Variants in SPON1 observed in about 807,000 individuals in gnomAD.
The protein encoded by SPON1 is spondin-1.
SPON1 carries 52 observed loss-of-function variants against 111.7 expected under a neutral mutation model. That is an observed-to-expected ratio of 0.47 (90% CI 0.37 to 0.59). The LOEUF (loss-of-function observed/expected upper bound fraction) is 0.59. SPON1 is among the 20% of genes least tolerant of loss of function. The probability of loss-of-function intolerance (pLI) is 0.00; values close to 1 mark genes in which losing one functional copy is unlikely to be tolerated. For missense variants in SPON1, 957 were observed against 1,068.5 expected (o/e 0.90, Z 1.46); for synonymous variants, 410 against 395.8 (o/e 1.04, Z -0.43).
At position 14,105,758 on chromosome 11, in the gene SPON1, G is replaced by A. The variant is rs540187653; in HGVS notation, c.676+25737G>A. 1.1e-4 allele frequency among the ~76,000 whole-genome samples: 16 copies of A among 152,130 alleles called. No homozygotes were observed. In the South Asian group the frequency reaches 3.1e-3, roughly 30 times the overall value. ...GACTGTTTTATTCACATTTAAATAG[G>A]CCTTGAAATTGGAAGGTTCACAGGC... is the stretch of plus-strand genomic sequence containing the variant. On this transcript the variant is annotated intron_variant, in intron 5 of 15. Coordinates refer to ENST00000576479, the MANE Select transcript of SPON1 (RefSeq NM_006108.4).
At chr11:14,057,940 C>T (rs1277583274) in intron 3 of SPON1, among the ~76,000 whole-genome samples, 4 of 151,892 alleles carry the variant, frequency 2.6e-5, no homozygotes, top group Non-Finnish European at 5.9e-5. Flanking sequence ...TCACTGGAGC[C>T]AGGAAGATAG....
chr11:14,212,874 T>C (rs1435727075), intron 6 of SPON1, among the ~76,000 whole-genome samples: 5 of 152,184 alleles, frequency 3.3e-5, no homozygotes, highest in Non-Finnish European at 7.3e-5. Context: ...GAGCATCATT[T>C]GTGGGTGGAT....
intron 6 of SPON1, among the ~76,000 whole-genome samples, chr11:14,233,486 A>T (rs1848825952): frequency 6.6e-6 from 1 of 151,984 alleles, no homozygotes; most frequent in African/African-American, 2.4e-5. Context: ...GTCCCATCAC[A>T]CTCTGAACAA....
At chr11:14,261,001 A>G (rs1849165042) in intron 14 of SPON1, among the ~76,000 whole-genome samples, 1 of 152,184 alleles carries the variant, frequency 6.6e-6, no homozygotes, top group South Asian at 2.1e-4. Context: ...TGACAGACAC[A>G]TACGAAAAAC....
intron 5 of SPON1, among the ~76,000 whole-genome samples, chr11:14,097,547 C>A (rs1380702608): frequency 1.3e-5 from 2 of 152,040 alleles, no homozygotes; most frequent in Non-Finnish European, 2.9e-5. Flanking sequence ...ATTTATTGTA[C>A]CTCTATGTTT....
intron 2 of SPON1, among the ~76,000 whole-genome samples, chr11:13,990,373 C>CTTTTTTTTTGTTTTT (rs1848218997): frequency 4.6e-5 from 1 of 21,670 alleles, no homozygotes; most frequent in African/African-American, 1.3e-4. Context: ...GCAACTCCTG[C>CTTTTTTTTTGTTTTT]TTTTTTTTTT....
intron 5 of SPON1, among the ~76,000 whole-genome samples, chr11:14,134,373 A>G (rs1461061708): frequency 2.0e-5 from 3 of 152,208 alleles, no homozygotes; most frequent in Non-Finnish European, 4.4e-5. Context: ...TTCCTCCAGG[A>G]CTTAAATAAA....
chr11:13,977,488 A>G (rs980674221), intron 1 of SPON1, among the ~76,000 whole-genome samples: 2 of 152,152 alleles, frequency 1.3e-5, no homozygotes, highest in African/African-American at 4.8e-5. Flanking sequence ...TTTGTGAAGT[A>G]TTAGTTTGTG....
At chr11:14,127,271 C>T (rs1210709269) in intron 5 of SPON1, among the ~76,000 whole-genome samples, 1 of 139,120 alleles carries the variant, frequency 7.2e-6, no homozygotes, top group East Asian at 2.1e-4. Context: ...GTTTCAGAAC[C>T]AAGACTAGAA....
At chr11:14,033,077 T>C (rs1395291242) in intron 2 of SPON1, among the ~76,000 whole-genome samples, 2 of 152,176 alleles carry the variant, frequency 1.3e-5, no homozygotes, top group Non-Finnish European at 2.9e-5. Flanking sequence ...ATGTCCCTTC[T>C]TATCCCAAGG....
At chr11:14,130,186 GT>G (rs1847511669) in intron 5 of SPON1, among the ~76,000 whole-genome samples, 1 of 152,182 alleles carries the variant, frequency 6.6e-6, no homozygotes, top group African/African-American at 2.4e-5. Context: ...CAAAACTGAG[GT>G]TCAAGCCCAG....
At chr11:14,175,066 T>C (rs905791566) in intron 6 of SPON1, among the ~76,000 whole-genome samples, 2 of 151,790 alleles carry the variant, frequency 1.3e-5, no homozygotes, top group Admixed American at 6.6e-5. Flanking sequence ...ACTCAATAAA[T>C]GGCAAAGTTA....
intron 6 of SPON1, among the ~76,000 whole-genome samples, chr11:14,194,146 C>A (rs1237912453): frequency 3.3e-5 from 5 of 152,134 alleles, no homozygotes; most frequent in Admixed American, 6.5e-5. Context: ...TAAAACTTCA[C>A]CCTTCCTAGG....
chr11:14,111,316 A>G (rs1849224954), intron 5 of SPON1, among the ~76,000 whole-genome samples: 2 of 152,072 alleles, frequency 1.3e-5, no homozygotes, highest in African/African-American at 4.8e-5. Flanking sequence ...TTTTCCCTGC[A>G]TTCTATGATT....
rs1372694519 is a variant in SPON1 at position 14,267,561 on chromosome 11, C to T, written c.*1874C>T. On this transcript the variant is annotated 3_prime_UTR_variant, in exon 16 of 16. Coordinates refer to ENST00000576479, the MANE Select transcript of SPON1 (RefSeq NM_006108.4). ...CTGGTGATTCCTAATCAAGGACAAG[C>T]CACCCTAGTGTCTCATGTTTGTATT... The T allele has an allele frequency of 6.6e-6, 1 of 152,172 alleles. No homozygotes were observed. The highest frequency in any genetic ancestry group is 6.5e-5 in the Admixed American group (1 of 15,288). 9.4% of individuals were successfully genotyped at this position (152,172 alleles called of 1,614,324 possible). A position where few individuals can be genotyped will look rare whatever the true frequency, so the allele number is the denominator to read the frequency against.
intron 5 of SPON1, among the ~76,000 whole-genome samples, chr11:14,128,358 G>T (rs1313585306): frequency 6.6e-6 from 1 of 152,166 alleles, no homozygotes; most frequent in African/African-American, 2.4e-5. Flanking sequence ...AAAACAAAGG[G>T]GCTATAGGCC....
intron 3 of SPON1, among the ~76,000 whole-genome samples, chr11:14,051,679 A>G (rs1848708942): frequency 6.6e-6 from 1 of 152,200 alleles, no homozygotes; most frequent in African/African-American, 2.4e-5. Context: ...TAGACTTTCC[A>G]GCCCCCAGGA....
intron 7 of SPON1, among the ~76,000 whole-genome samples, chr11:14,248,701 G>T (rs952695945): frequency 6.6e-6 from 1 of 152,176 alleles, no homozygotes; most frequent in Admixed American, 6.5e-5. Context: ...GAGCCTGCCT[G>T]ATTGAGGTTA....
intron 2 of SPON1, among the ~76,000 whole-genome samples, chr11:14,032,499 G>A (rs548389907): frequency 1.3e-5 from 2 of 152,306 alleles, no homozygotes; most frequent in Admixed American, 6.5e-5. Context: ...CGGCACACAA[G>A]GGGAACCACA....
Sources: gnomAD v4.1 joint callset for allele counts (sites outside exome capture counted in the v4.1 genomes callset) on GRCh38, gnomAD v4.1.1 for gene constraint, MANE v1.5 for transcripts, NCBI Gene and HGNC (gene_info 2026-07-23, HGNC 2026-07-21) for gene names.